Variants in MYLK2 observed in about 807,000 individuals in gnomAD.
MYLK2 encodes myosin light chain kinase 2.
In MYLK2, 27 loss-of-function variants were observed where a neutral mutation model predicts 58.2. That is an observed-to-expected ratio of 0.46 (90% confidence interval 0.34 to 0.64). The LOEUF (loss-of-function observed/expected upper bound fraction) is 0.64, where lower values mean the gene tolerates loss of function less well. Among genes scored for constraint, MYLK2 ranks in the 30% least tolerant of loss-of-function variants. MYLK2 has a pLI of 0.01. For synonymous variants in MYLK2, 310 were observed against 296.7 expected, an observed-to-expected ratio of 1.04 and a Z score of -0.46; for missense variants, 676 against 764.3, an observed-to-expected ratio of 0.88 and a Z score of 1.36.
At chr20:31,820,032 T>G (rs1470238055) in intron 2 of MYLK2, 94 bp from the exon 3 acceptor site, 1 of 1,522,830 alleles carries the variant, frequency 6.6e-7, no homozygotes, top group Non-Finnish European at 9.1e-7. Context: ...GTTGCCTGGG[T>G]GGGAACCTGG....
chr20:31,831,578 G>A, intron 10 of MYLK2, 125 bp from the exon 11 acceptor site: 1 of 1,120,374 alleles, frequency 8.9e-7, no homozygotes, highest in Non-Finnish European at 1.3e-6. Flanking sequence ...TGTCCCACGA[G>A]AGGCTGGGGG....
At chr20:31,833,360 G>A (rs1389632977) in intron 12 of MYLK2, among the ~76,000 whole-genome samples, 3 of 152,184 alleles carry the variant, frequency 2.0e-5, no homozygotes, top group Admixed American at 6.5e-5. Flanking sequence ...GGCCAGTATG[G>A]ATGGAGTGGA....
At chr20:31,833,281 C>T (rs1413020812) in intron 12 of MYLK2, among the ~76,000 whole-genome samples, 1 of 151,912 alleles carries the variant, frequency 6.6e-6, no homozygotes, top group Non-Finnish European at 1.5e-5. Context: ...GTATTCCGGG[C>T]AGAGGGAGTA....
intron 8 of MYLK2, chr20:31,828,752 C>T (rs1192311242): frequency 1.0e-6 from 1 of 979,826 alleles, no homozygotes; most frequent in Non-Finnish European, 1.2e-6. Flanking sequence ...AGTGAGGGTG[C>T]CATCTTCCCA....
At chr20:31,829,058 G>A (rs1168753912) in intron 8 of MYLK2, among the ~76,000 whole-genome samples, 1 of 152,138 alleles carries the variant, frequency 6.6e-6, no homozygotes, top group Admixed American at 6.5e-5. Context: ...CTGAGTTACT[G>A]GACAGATGGT....
chr20:31,828,603 G>C (rs1260474206), intron 8 of MYLK2: 13 of 985,382 alleles, frequency 1.3e-5, no homozygotes, highest in South Asian at 4.7e-5. Flanking sequence ...GCCATGAAAA[G>C]TGTTTGAGAA....
At chr20:31,821,401 G>A in intron 3 of MYLK2, 38 bp from the exon 4 acceptor site, 1 of 1,611,326 alleles carries the variant, frequency 6.2e-7, no homozygotes, top group Non-Finnish European at 8.5e-7. Context: ...ACAGGCTGTG[G>A]CCGCTGAGGG....
Position 31,833,912 on chromosome 20 carries a change from G to A in MYLK2, c.*115G>A. ...CCCCAGGGCAGCCTCGTTAGGACAA[G>A]GCTGTGCCAGGCTGGGAGGCTCGGG... On this transcript the variant is annotated 3_prime_UTR_variant, in exon 13 of 13. Transcript: ENST00000375985. 1.1e-6 allele frequency: 1 copy of A among 948,712 alleles called. No individual in the cohort carries two copies. Among genetic ancestry groups the A allele is most frequent in the East Asian group, 2.6e-5 (1 of 38,788 alleles). The allele number at this position is 948,712 out of a possible 1,614,324, so 58.8% of individuals were successfully genotyped here. A position where few individuals can be genotyped will look rare whatever the true frequency, so the allele number is the denominator to read the frequency against.
At chr20:31,820,685 C>T (rs1167399189) in intron 3 of MYLK2, 139 bp downstream of exon 3, 5 of 1,118,362 alleles carry the variant, frequency 4.5e-6, no homozygotes, top group Admixed American at 4.1e-5. Context: ...TTTCCTCTGT[C>T]CTGTGAATTG....
intron 8 of MYLK2, chr20:31,827,451 T>G (rs1487150738): frequency 2.0e-6 from 2 of 985,424 alleles, no homozygotes; most frequent in Non-Finnish European, 1.2e-6. Context: ...CTCAAATAAG[T>G]ATAGTGTCAG....
At chr20:31,830,266 A>C (rs2062299145) in intron 8 of MYLK2, among the ~76,000 whole-genome samples, 1 of 152,144 alleles carries the variant, frequency 6.6e-6, no homozygotes, top group Non-Finnish European at 1.5e-5. Flanking sequence ...AAAGTGAGAA[A>C]GTGAGTGGAC....
intron 5 of MYLK2, 145 bp downstream of exon 5, chr20:31,823,727 C>T (rs2123130865): frequency 1.1e-6 from 1 of 926,598 alleles, no homozygotes; most frequent in East Asian, 2.6e-5. Context: ...GTGGGACACA[C>T]ACTGTGTGCA....
chr20:31,831,444 C>T lies in MYLK2; in HGVS notation c.1425-259C>T, dbSNP rs149855548. ...TGCTCACCACATACCTTGCACTCGTCATTCCTCATCACTGCCACCTAGGAA... is the reference window on the plus strand; with the variant it reads ...TGCTCACCACATACCTTGCACTCGTTATTCCTCATCACTGCCACCTAGGAA... On this transcript the variant is annotated intron_variant, in intron 10 of 12. Transcript: ENST00000375985. Among the ~76,000 whole-genome samples, 217 of 152,222 alleles carry T rather than the reference C, an allele frequency of 1.4e-3. 2 individuals carry two copies. The highest frequency in any genetic ancestry group is 2.9e-3 in the Non-Finnish European group (194 of 67,996).
intron 8 of MYLK2, chr20:31,827,140 A>T: frequency 1.2e-6 from 1 of 856,014 alleles, no homozygotes; most frequent in Non-Finnish European, 1.4e-6. Context: ...AGAGGGGGGG[A>T]AAAAAAAAAG....
chr20:31,829,728 C>T (rs1333053370), intron 8 of MYLK2, among the ~76,000 whole-genome samples: 1 of 152,228 alleles, frequency 6.6e-6, no homozygotes, highest in East Asian at 1.9e-4. Context: ...TCAGGAGCTG[C>T]TGGAATTCAG....
intron 6 of MYLK2, chr20:31,824,656 C>A: frequency 2.4e-6 from 2 of 832,212 alleles, no homozygotes; most frequent in Non-Finnish European, 1.4e-6. Flanking sequence ...TGGGCCAGGC[C>A]CTGTGCTGGG....
intron 10 of MYLK2, 56 bp from the exon 11 acceptor site, chr20:31,831,647 G>A (rs2062306855): frequency 1.9e-6 from 3 of 1,601,984 alleles, no homozygotes; most frequent in African/African-American, 2.7e-5. Flanking sequence ...CCCCTCTGAA[G>A]GTGACTCAGC....
intron 8 of MYLK2, among the ~76,000 whole-genome samples, chr20:31,829,034 A>AT (rs1273420794): frequency 6.6e-6 from 1 of 152,036 alleles, no homozygotes; most frequent in Non-Finnish European, 1.5e-5. Context: ...AAAAGAAAGG[A>AT]TCAAGGGTGA....
Position 31,831,829 on chromosome 20 carries a change from C to G in MYLK2, c.1551C>G (p.Val517=). 1 of 1,614,170 alleles carries G rather than the reference C, an allele frequency of 6.2e-7. No individual in the cohort carries two copies. Among genetic ancestry groups the G allele is most frequent in the Non-Finnish European group, 8.5e-7 (1 of 1,180,032 alleles). ...EAVSDEAKDF[V]SNLIVKDQRA... The stretch of plus-strand genomic sequence containing the variant: ...TATCAGACGAGGCCAAAGACTTTGT[C>G]TCCAACCTCATCGTCAAGGACCAGA... Residue 517 remains valine, a synonymous_variant, in exon 11 of 13, where the codon GTC becomes GTG. Coordinates refer to ENST00000375985, the MANE Select transcript of MYLK2 (RefSeq NM_033118.4).
Sources: gnomAD v4.1 joint callset for allele counts (sites outside exome capture counted in the v4.1 genomes callset) on GRCh38, gnomAD v4.1.1 for gene constraint, MANE v1.5 for transcripts, NCBI Gene and HGNC (gene_info 2026-07-23, HGNC 2026-07-21) for gene names.